ANKRD11: variants seen among roughly 807,000 people sequenced by gnomAD.
ANKRD11 encodes the protein ankyrin repeat domain-containing protein 11.
A neutral mutation model predicts 195.7 loss-of-function variants in ANKRD11; 17 were observed. The observed-to-expected ratio is 0.09, with a 90% CI of 0.06 to 0.13. The LOEUF (loss-of-function observed/expected upper bound fraction) is 0.13. Among genes scored for constraint, ANKRD11 ranks in the 10% least tolerant of loss-of-function variants. ANKRD11 has a pLI of 1.00. For synonymous variants in ANKRD11, 1,953 were observed against 1,528.1 expected, an observed-to-expected ratio of 1.28 and a Z score of -6.49; for missense variants, 3,735 against 3,566.1, an observed-to-expected ratio of 1.05 and a Z score of -1.21.
chr16:89,299,018 C>T (rs1303780203), intron 4 of ANKRD11: 1 of 152,482 alleles, frequency 6.6e-6, no homozygotes, highest in African/African-American at 2.4e-5. Flanking sequence ...GCTGCAGCCC[C>T]ACTCTGACTC....
rs1262764455 is a variant in ANKRD11 at position 89,390,724 on chromosome 16, G to C, written c.-60+27560C>G. ...CACAGCCAGGGGCCAGCACCCGTAA[G>C]TCCTGCAGAAAAACACCTGTGAAAA... is the stretch of plus-strand genomic sequence containing the variant. On this transcript the variant is annotated intron_variant, in intron 2 of 12. Coordinates refer to ENST00000301030, the MANE Select transcript of ANKRD11 (RefSeq NM_013275.6). Among the ~76,000 whole-genome samples, 3 of 152,174 alleles carry C rather than the reference G, an allele frequency of 2.0e-5. No individual in the cohort carries two copies. The East Asian group carries it at 5.8e-4, about 29-fold the overall frequency.
At chr16:89,289,704 G>C (rs548375399) in intron 6 of ANKRD11, among the ~76,000 whole-genome samples, 1 of 152,328 alleles carries the variant, frequency 6.6e-6, no homozygotes, top group African/African-American at 2.4e-5. Flanking sequence ...CCTGGAGTGA[G>C]GTTTATGGAA....
chr16:89,383,182 C>T (rs925674774), intron 2 of ANKRD11, among the ~76,000 whole-genome samples: 1 of 152,194 alleles, frequency 6.6e-6, no homozygotes, highest in Non-Finnish European at 1.5e-5. Context: ...GTAAAGGGAG[C>T]GGTGCGAGGT....
chr16:89,317,059 G>A lies in ANKRD11; in HGVS notation c.-40C>T, dbSNP rs2037003552. On this transcript the variant is annotated 5_prime_UTR_variant, in exon 3 of 13. Coordinates refer to ENST00000301030, the MANE Select transcript of ANKRD11 (RefSeq NM_013275.6). ...CCCGATCTTCATTTACACGGCCGGC[G>A]CTTCATCATCAACCGTCTGCTTCAA... 5.0e-6 allele frequency: 8 copies of A among 1,590,594 alleles called. No homozygotes were observed. The East Asian group carries it at 1.6e-4, about 32-fold the overall frequency.
intron 2 of ANKRD11, among the ~76,000 whole-genome samples, chr16:89,405,814 G>C (rs963611549): frequency 2.0e-5 from 3 of 152,084 alleles, no homozygotes; most frequent in African/African-American, 7.2e-5. Context: ...TCCTCACAAA[G>C]GATGCACTGC....
chr16:89,333,742 T>C (rs1489511431), intron 2 of ANKRD11, among the ~76,000 whole-genome samples: 1 of 152,166 alleles, frequency 6.6e-6, no homozygotes, highest in Non-Finnish European at 1.5e-5. Flanking sequence ...CTGCAGGACA[T>C]CTTGGCTGCT....
Position 89,280,560 on chromosome 16 carries a change from G to C in ANKRD11, c.5982C>G (p.Phe1994Leu). 6.2e-7 allele frequency: 1 copy of C among 1,613,256 alleles called. No homozygotes were observed. Among genetic ancestry groups the C allele is most frequent in the Non-Finnish European group, 8.5e-7 (1 of 1,179,928 alleles). The stretch of plus-strand genomic sequence containing the variant: ...CAGAGTGGAGGGGGTCCGCGGGGCA[G>C]AAACGCTTTGGGGACTCGGGGAATC... Reference protein sequence around the residue: ...PQRFPESPKRFCPADPLHSAA... With the variant: ...PQRFPESPKRLCPADPLHSAA... The change falls in exon 9 of 13, where the codon TTC (phenylalanine) becomes TTG (leucine). Residue 1994 changes from phenylalanine (F) to leucine (L), a missense_variant. Phe to Leu is a conservative substitution (Grantham distance 22, BLOSUM62 0). Transcript: ENST00000301030.
intron 2 of ANKRD11, among the ~76,000 whole-genome samples, chr16:89,375,402 T>C (rs1567717623): frequency 6.6e-6 from 1 of 152,026 alleles, no homozygotes; most frequent in Non-Finnish European, 1.5e-5. Context: ...TGCAGGGCAC[T>C]ATGGTCATGC....
chr16:89,437,025 C>A (rs1315851983), intron 1 of ANKRD11, among the ~76,000 whole-genome samples: 1 of 152,024 alleles, frequency 6.6e-6, no homozygotes. Context: ...AACATTTGTC[C>A]CCAATATCCT....
At position 89,282,378 on chromosome 16, in the gene ANKRD11, G is replaced by C; in HGVS notation, c.4164C>G (p.Asp1388Glu). ...EDYKEGGSRK[D>E]SGQYEKDFLE... Reference sequence around the variant, plus strand: ...GGAAGTCCTTTTCGTACTGGCCGGAGTCCTTCCTGCTACCGCCCTCCTTGT... The same window carrying C: ...GGAAGTCCTTTTCGTACTGGCCGGACTCCTTCCTGCTACCGCCCTCCTTGT... Residue 1388 changes from aspartate (D) to glutamate (E), a missense_variant, in exon 9 of 13, where the codon GAC (aspartate) becomes GAG (glutamate). Asp to Glu is a conservative substitution (Grantham distance 45, BLOSUM62 2). Coordinates refer to ENST00000301030, the MANE Select transcript of ANKRD11 (RefSeq NM_013275.6). The C allele has an allele frequency of 1.2e-6, 2 of 1,614,152 alleles. No homozygotes were observed. Among genetic ancestry groups the C allele is most frequent in the Non-Finnish European group, 1.7e-6 (2 of 1,180,036 alleles).
At position 89,285,129 on chromosome 16, in the gene ANKRD11, C is replaced by T. The variant is rs145731868; in HGVS notation, c.1413G>A (p.Lys471=). 2.2e-4 allele frequency: 355 copies of T among 1,613,672 alleles called. No individual in the cohort carries two copies. The Middle Eastern group carries it at 7.4e-3, about 34-fold the overall frequency. ...ETKGREVRFG[K]RSDKFCSSES... is the part of the protein sequence containing the mutation. ...CCGAGGAGCAGAACTTGTCGCTCCG[C>T]TTTCCGAAGCGAACCTCTCTGCCTT... is the stretch of plus-strand genomic sequence containing the variant. Residue 471 remains lysine, a synonymous_variant, in exon 9 of 13, where the codon AAG becomes AAA. Coordinates refer to ENST00000301030, the MANE Select transcript of ANKRD11 (RefSeq NM_013275.6). The surrounding 1 kb of genome is among the most constrained non-coding windows in gnomAD (Gnocchi z 5.6).
chr16:89,427,897 T>C (rs769933087), intron 1 of ANKRD11, among the ~76,000 whole-genome samples: 79 of 152,158 alleles, frequency 5.2e-4, no homozygotes, highest in Non-Finnish European at 7.9e-4. Context: ...TTTGACAGTT[T>C]TTTTAAACTC....
intron 2 of ANKRD11, among the ~76,000 whole-genome samples, chr16:89,319,445 G>A (rs368235527): frequency 2.6e-5 from 4 of 152,344 alleles, no homozygotes; most frequent in Admixed American, 6.5e-5. Context: ...CCGGGGACTC[G>A]GGAGTGTTGT....
intron 1 of ANKRD11, among the ~76,000 whole-genome samples, chr16:89,441,793 A>AAAAAAAAAG (rs1555581853): frequency 2.1e-5 from 3 of 141,848 alleles, no homozygotes; most frequent in African/African-American, 2.6e-5. Flanking sequence ...AAAAAAAAAA[A>AAAAAAAAAG]CGCAAACCTG....
rs2034173090 is a variant in ANKRD11 at position 89,280,928 on chromosome 16, C to A, written c.5614G>T (p.Val1872Phe). The change falls in exon 9 of 13, where the codon GTT (valine) becomes TTT (phenylalanine). Residue 1872 changes from valine (V) to phenylalanine (F), a missense_variant. Coordinates refer to ENST00000301030, the MANE Select transcript of ANKRD11 (RefSeq NM_013275.6). Reference protein sequence around the residue: ...VDALHCPPAAVVTVTPSPEGV... With the variant: ...VDALHCPPAAFVTVTPSPEGV... ...TCTGGAGACGGGGTGACAGTGACAA[C>A]GGCAGCCGGTGGGCAGTGCAAAGCG... The A allele has an allele frequency of 6.3e-7, 1 of 1,593,588 alleles. No individual in the cohort carries two copies. The highest frequency in any genetic ancestry group is 8.6e-7 in the Non-Finnish European group (1 of 1,166,768).
intron 2 of ANKRD11, among the ~76,000 whole-genome samples, chr16:89,396,724 T>C (rs72803355): frequency 0.067 from 10,198 of 152,248 alleles, 514 homozygotes; most frequent in East Asian, 0.2. Flanking sequence ...TTTTACTCTG[T>C]CGCCCAGGCT....
chr16:89,306,557 T>C (rs1597561358), intron 3 of ANKRD11, among the ~76,000 whole-genome samples: 5 of 42,874 alleles, frequency 1.2e-4, no homozygotes, highest in African/African-American at 2.9e-4. Flanking sequence ...TACCTCCCAC[T>C]CCGCAGACAC....
intron 2 of ANKRD11, among the ~76,000 whole-genome samples, chr16:89,397,845 A>G (rs928292250): frequency 1.3e-5 from 2 of 152,210 alleles, no homozygotes; most frequent in Non-Finnish European, 2.9e-5. Context: ...TCTCCCAGCT[A>G]GCTCACCACC....
At chr16:89,371,458 C>T (rs2040188942) in intron 2 of ANKRD11, among the ~76,000 whole-genome samples, 1 of 152,212 alleles carries the variant, frequency 6.6e-6, no homozygotes, top group Admixed American at 6.5e-5. Context: ...CAGAAGGGGC[C>T]GCTGACGCCA....
Sources: gnomAD v4.1 joint callset for allele counts (sites outside exome capture counted in the v4.1 genomes callset) on GRCh38, gnomAD v4.1.1 for gene constraint, Gnocchi (gnomAD v3.1) non-coding constraint, MANE v1.5 for transcripts, NCBI Gene and HGNC (gene_info 2026-07-23, HGNC 2026-07-21) for gene names.